The following PCDH9 variants were observed in gnomAD, a reference collection of about 807,000 sequenced individuals.
The protein encoded by PCDH9 is protocadherin 9.
A neutral mutation model predicts 70.6 loss-of-function variants in PCDH9; 24 were observed. The ratio of observed to expected loss-of-function variants is 0.34; its 90% confidence interval spans 0.25 to 0.48. The LOEUF is 0.48. Ranked by LOEUF, PCDH9 falls within the 20% of genes least tolerant of loss-of-function variation. The pLI is 0.99. For missense variants in PCDH9, 1,281 were observed against 1,503.6 expected, an observed-to-expected ratio of 0.85 and a Z score of 2.45; for synonymous variants, 562 against 558.5, an observed-to-expected ratio of 1.01 and a Z score of -0.09.
At chr13:67,032,306 C>A (rs1364007172) in intron 2 of PCDH9, among the ~76,000 whole-genome samples, 2 of 151,622 alleles carry the variant, frequency 1.3e-5, no homozygotes, top group Admixed American at 6.6e-5. Flanking sequence ...CCCACACATA[C>A]AACTATATAT....
chr13:66,556,196 C>T (rs562551518), intron 4 of PCDH9, among the ~76,000 whole-genome samples: 1 of 151,750 alleles, frequency 6.6e-6, no homozygotes, highest in South Asian at 2.1e-4. Context: ...TTCAGTAGCA[C>T]CGTGTTTTTT....
intron 3 of PCDH9, among the ~76,000 whole-genome samples, chr13:66,685,938 G>T (rs1057426187): frequency 2.6e-5 from 4 of 152,144 alleles, no homozygotes; most frequent in African/African-American, 9.7e-5. Context: ...CTTGCTTTCA[G>T]ATTTACAGGC....
At chr13:66,621,647 C>A (rs2077422966) in intron 4 of PCDH9, among the ~76,000 whole-genome samples, 1 of 152,156 alleles carries the variant, frequency 6.6e-6, no homozygotes, top group South Asian at 2.1e-4. Flanking sequence ...ACAGGATGAT[C>A]TGTAGGGTCC....
chr13:66,344,020 T>A (rs1490091405), intron 4 of PCDH9, among the ~76,000 whole-genome samples: 3 of 152,144 alleles, frequency 2.0e-5, no homozygotes, highest in African/African-American at 7.2e-5. Context: ...GAAAAGGAAA[T>A]GTTTAAAAAG....
At chr13:66,763,089 C>T (rs1269047311) in intron 3 of PCDH9, among the ~76,000 whole-genome samples, 3 of 151,968 alleles carry the variant, frequency 2.0e-5, no homozygotes, top group African/African-American at 7.2e-5. Flanking sequence ...CTTCAGCCTT[C>T]CAAGTAGCTG....
intron 4 of PCDH9, among the ~76,000 whole-genome samples, chr13:66,309,518 A>G (rs1310549803): frequency 6.6e-6 from 1 of 151,978 alleles, no homozygotes; most frequent in South Asian, 2.1e-4. Context: ...AATGTTATTA[A>G]ATATTGAAAT....
intron 2 of PCDH9, among the ~76,000 whole-genome samples, chr13:67,051,072 G>A (rs2085312471): frequency 6.6e-6 from 1 of 152,136 alleles, no homozygotes; most frequent in South Asian, 2.1e-4. Context: ...TGACGCAGTA[G>A]CACAAGGGAT....
intron 2 of PCDH9, among the ~76,000 whole-genome samples, chr13:67,109,570 C>T (rs1314420656): frequency 6.6e-6 from 1 of 152,126 alleles, no homozygotes; most frequent in Middle Eastern, 3.2e-3. Context: ...CTAATGCTTC[C>T]TAACCTGTAA....
intron 4 of PCDH9, among the ~76,000 whole-genome samples, chr13:66,474,302 T>G (rs1378607223): frequency 6.6e-6 from 1 of 152,170 alleles, no homozygotes; most frequent in African/African-American, 2.4e-5. Context: ...TCTCTGGGTT[T>G]ATACTGCTAT....
intron 2 of PCDH9, among the ~76,000 whole-genome samples, chr13:66,953,385 C>T (rs1004873821): frequency 4.6e-5 from 7 of 152,306 alleles, no homozygotes; most frequent in Non-Finnish European, 8.8e-5. Context: ...AAACACAGTA[C>T]ATGTTCAAAA....
intron 4 of PCDH9, among the ~76,000 whole-genome samples, chr13:66,494,776 T>C (rs1484215007): frequency 1.3e-5 from 2 of 152,188 alleles, no homozygotes; most frequent in African/African-American, 2.4e-5. Context: ...TTAAAAATTG[T>C]TTTTAATGAG....
intron 2 of PCDH9, among the ~76,000 whole-genome samples, chr13:67,191,784 T>C (rs1485382305): frequency 3.9e-5 from 6 of 152,116 alleles, no homozygotes. Flanking sequence ...GTCTGTCTCC[T>C]TTCTGTTAAA....
intron 2 of PCDH9, among the ~76,000 whole-genome samples, chr13:66,972,429 G>A (rs566982402): frequency 2.4e-4 from 36 of 151,880 alleles, no homozygotes; most frequent in African/African-American, 8.0e-4. Flanking sequence ...CCTATTTTTT[G>A]ATGGACCTTT....
chr13:66,523,039 ACTTG>A (rs769860858), intron 4 of PCDH9, among the ~76,000 whole-genome samples: 1 of 151,998 alleles, frequency 6.6e-6, no homozygotes, highest in Non-Finnish European at 1.5e-5. Context: ...CATTTCTTTT[ACTTG>A]CAGGGTGTTG....
chr13:66,808,009 A>T (rs1452314466), intron 3 of PCDH9, among the ~76,000 whole-genome samples: 1 of 152,122 alleles, frequency 6.6e-6, no homozygotes, highest in African/African-American at 2.4e-5. Context: ...CATTGCTCTA[A>T]CAAACCAGAC....
intron 4 of PCDH9, among the ~76,000 whole-genome samples, chr13:66,481,430 C>G (rs1958834620): frequency 6.6e-6 from 1 of 152,086 alleles, no homozygotes; most frequent in South Asian, 2.1e-4. Context: ...GCCAAAGGTT[C>G]AGATGATTCT....
At chr13:66,527,984 C>T (rs1452330171) in intron 4 of PCDH9, among the ~76,000 whole-genome samples, 1 of 152,156 alleles carries the variant, frequency 6.6e-6, no homozygotes. Flanking sequence ...CACCACTGCA[C>T]TCCAGCCTGG....
At chr13:66,863,716 A>T (rs1290370670) in intron 3 of PCDH9, among the ~76,000 whole-genome samples, 1 of 152,060 alleles carries the variant, frequency 6.6e-6, no homozygotes, top group Non-Finnish European at 1.5e-5. Context: ...TGATCTCCCG[A>T]CCTCGTGATC....
At chr13:66,659,495 C>G (rs1028237083) in intron 3 of PCDH9, among the ~76,000 whole-genome samples, 1 of 146,212 alleles carries the variant, frequency 6.8e-6, no homozygotes, top group Non-Finnish European at 1.5e-5. Context: ...ACATTTGAAA[C>G]CAGATACAGT....
Sources: gnomAD v4.1 joint callset for allele counts (sites outside exome capture counted in the v4.1 genomes callset) on GRCh38, gnomAD v4.1.1 for gene constraint, MANE v1.5 for transcripts, NCBI Gene and HGNC (gene_info 2026-07-23, HGNC 2026-07-21) for gene names.